The following SDK1 variants were observed in gnomAD, a reference collection of about 807,000 sequenced individuals.
SDK1 encodes the protein protein sidekick-1.
Under a neutral mutation model 245.5 loss-of-function variants are expected in SDK1, and 157 were observed. The observed-to-expected ratio is 0.64, with a 90% CI of 0.56 to 0.73. The LOEUF is 0.73. Among genes scored for constraint, SDK1 ranks in the 30% least tolerant of loss-of-function variants. The pLI, the probability that SDK1 is intolerant of heterozygous loss-of-function variation, is 0.00. For synonymous variants in SDK1, 1,647 were observed against 1,278.5 expected, an observed-to-expected ratio of 1.29 and a Z score of -6.15; for missense variants, 3,583 against 3,002.3, an observed-to-expected ratio of 1.19 and a Z score of -4.52.
In SDK1 at chr7:3,715,444, A is replaced by G. The variant is rs73302285; in HGVS notation, c.713+73339A>G. Among the ~76,000 whole-genome samples, 1,156 of 152,246 alleles carry G rather than the reference A, an allele frequency of 7.6e-3. 14 individuals are homozygous for G. Among genetic ancestry groups the G allele is most frequent in the African/African-American group, 0.026 (1,078 of 41,530 alleles). On this transcript the variant is annotated intron_variant, in intron 4 of 44. Transcript: ENST00000404826. Reference sequence around the variant, plus strand: ...GCCACCAGCAACTGATAGCCCAAAGATATCCTCTCAGCCTACCGAACCAGA... The same window carrying G: ...GCCACCAGCAACTGATAGCCCAAAGGTATCCTCTCAGCCTACCGAACCAGA...
chr7:3,347,357 A>G (rs1034825765), intron 1 of SDK1, among the ~76,000 whole-genome samples: 1 of 152,074 alleles, frequency 6.6e-6, no homozygotes, highest in Non-Finnish European at 1.5e-5. Flanking sequence ...TGTATATATG[A>G]TATGTTGGAT....
intron 5 of SDK1, among the ~76,000 whole-genome samples, chr7:3,910,096 GA>G (rs1172531058): frequency 6.6e-6 from 1 of 152,212 alleles, no homozygotes; most frequent in Non-Finnish European, 1.5e-5. Flanking sequence ...GGGGGAAAAA[GA>G]AAAAGTCCTG....
intron 1 of SDK1, among the ~76,000 whole-genome samples, chr7:3,432,797 A>C (rs1486446279): frequency 6.6e-6 from 1 of 152,230 alleles, no homozygotes; most frequent in Non-Finnish European, 1.5e-5. Context: ...ATATGGCAAC[A>C]AAATTCTTTT....
intron 20 of SDK1, among the ~76,000 whole-genome samples, chr7:4,071,569 G>A (rs1780258990): frequency 6.6e-6 from 1 of 152,320 alleles, no homozygotes; most frequent in South Asian, 2.1e-4. Flanking sequence ...AGGGGGAACT[G>A]AGCAGGGGAG....
chr7:4,054,114 T>C (rs1779055716), intron 19 of SDK1, among the ~76,000 whole-genome samples: 1 of 151,888 alleles, frequency 6.6e-6, no homozygotes, highest in African/African-American at 2.4e-5. Flanking sequence ...AATTTTTTTG[T>C]ATTTTTAATA....
chr7:4,174,233 C>T lies in SDK1; in HGVS notation c.4812C>T (p.Asp1604=), dbSNP rs145365653. The change falls in exon 33 of 45, where the codon GAC becomes GAT. Residue 1604 remains aspartate, a synonymous_variant. Coordinates refer to ENST00000404826, the MANE Select transcript of SDK1 (RefSeq NM_152744.4). ...SVLIQWQPPR[D]ESLNGLLQGY... is the part of the protein sequence containing the mutation. The stretch of plus-strand genomic sequence containing the variant: ...TGATGTCTTTGCAGCCTCCGAGGGA[C>T]GAAAGCCTGAATGGCCTTCTTCAGG... The T allele has an allele frequency of 2.3e-4, 373 of 1,614,018 alleles. No homozygotes were observed. The highest frequency in any genetic ancestry group is 9.9e-4 in the Middle Eastern group (6 of 6,060).
At chr7:3,346,334 T>G (rs528796896) in intron 1 of SDK1, among the ~76,000 whole-genome samples, 2 of 152,016 alleles carry the variant, frequency 1.3e-5, no homozygotes, top group Non-Finnish European at 2.9e-5. Context: ...CTAGTGGAGC[T>G]CCTGTGAGCC....
chr7:3,666,048 C>T (rs1175712555), intron 4 of SDK1, among the ~76,000 whole-genome samples: 2 of 152,194 alleles, frequency 1.3e-5, no homozygotes, highest in Non-Finnish European at 2.9e-5. Context: ...CATAATTCTG[C>T]TTAGATTCCT....
At chr7:4,252,079 T>A (rs1327928094) in intron 44 of SDK1, among the ~76,000 whole-genome samples, 5 of 152,250 alleles carry the variant, frequency 3.3e-5, no homozygotes, top group African/African-American at 1.2e-4. Flanking sequence ...TATTATACGT[T>A]AAGTTTTAGG....
At chr7:3,472,980 T>G (rs533860580) in intron 1 of SDK1, among the ~76,000 whole-genome samples, 1 of 152,308 alleles carries the variant, frequency 6.6e-6, no homozygotes, top group East Asian at 1.9e-4. Flanking sequence ...TATTTGACCC[T>G]TTCCCTTCCT....
At chr7:3,530,941 C>G (rs1783323849) in intron 1 of SDK1, among the ~76,000 whole-genome samples, 1 of 152,152 alleles carries the variant, frequency 6.6e-6, no homozygotes, top group African/African-American at 2.4e-5. Flanking sequence ...AGTGAGAAGT[C>G]TTTATCGTAT....
intron 5 of SDK1, among the ~76,000 whole-genome samples, chr7:3,831,351 A>G (rs1013033714): frequency 2.6e-5 from 4 of 152,186 alleles, no homozygotes; most frequent in Non-Finnish European, 5.9e-5. Flanking sequence ...GTACCTTCCC[A>G]GTATGATTTT....
intron 5 of SDK1, among the ~76,000 whole-genome samples, chr7:3,870,499 G>A (rs1031517254): frequency 2.6e-5 from 4 of 151,854 alleles, no homozygotes; most frequent in African/African-American, 9.7e-5. Context: ...AGATGCTCTC[G>A]TTATGCTAGT....
intron 1 of SDK1, among the ~76,000 whole-genome samples, chr7:3,450,957 A>G (rs1004258823): frequency 1.3e-5 from 2 of 152,138 alleles, no homozygotes; most frequent in African/African-American, 4.8e-5. Context: ...CATAAAGGAA[A>G]CGATAGTCAT....
chr7:3,978,100 TC>T (rs1463058719), intron 13 of SDK1, among the ~76,000 whole-genome samples: 1 of 152,112 alleles, frequency 6.6e-6, no homozygotes, highest in African/African-American at 2.4e-5. Flanking sequence ...TTTTTTTTTT[TC>T]ATTTTGATAA....
At chr7:3,435,139 TTAA>T (rs1380421614) in intron 1 of SDK1, among the ~76,000 whole-genome samples, 2 of 151,172 alleles carry the variant, frequency 1.3e-5, no homozygotes, top group African/African-American at 4.9e-5. Flanking sequence ...ATTGTGATTC[TTAA>T]TAATTTTGCA....
chr7:3,659,536 G>A (rs1403188001), intron 4 of SDK1, among the ~76,000 whole-genome samples: 7 of 152,180 alleles, frequency 4.6e-5, no homozygotes, highest in Non-Finnish European at 1.0e-4. Context: ...GGCCGAAAGG[G>A]GGCCTGTGTG....
chr7:3,947,760 A>C (rs1457127624), intron 5 of SDK1, among the ~76,000 whole-genome samples: 2 of 152,132 alleles, frequency 1.3e-5, no homozygotes, highest in East Asian at 3.9e-4. Context: ...GTTTGAAAGT[A>C]TCATGAAGTG....
At chr7:3,688,645 G>C (rs1439935566) in intron 4 of SDK1, among the ~76,000 whole-genome samples, 2 of 152,204 alleles carry the variant, frequency 1.3e-5, no homozygotes, top group South Asian at 4.1e-4. Flanking sequence ...GCAGACCTCA[G>C]TTTCCTCATC....
Sources: allele counts gnomAD v4.1 joint callset (sites outside exome capture counted in the v4.1 genomes callset), GRCh38; gene constraint gnomAD v4.1.1; transcripts MANE v1.5; gene names NCBI Gene and HGNC (gene_info 2026-07-23, HGNC 2026-07-21).